Variants in ZNF280B observed in about 807,000 individuals in gnomAD.
ZNF280B encodes the protein suppressor of hairy wing homolog 2.
Under a neutral mutation model 38.0 loss-of-function variants are expected in ZNF280B, and 16 were observed. That is an observed-to-expected ratio of 0.42 (90% CI 0.28 to 0.64). The LOEUF (loss-of-function observed/expected upper bound fraction) is 0.64, where lower values mean the gene tolerates loss of function less well. Among genes scored for constraint, ZNF280B ranks in the 30% least tolerant of loss-of-function variants. ZNF280B has a pLI of 0.21. For synonymous variants in ZNF280B, 253 were observed against 230.6 expected (o/e 1.10, Z -0.88); for missense variants, 581 against 639.6 (o/e 0.91, Z 0.99).
intron 3 of ZNF280B, among the ~76,000 whole-genome samples, chr22:22,492,215 A>C (rs1486530154): frequency 3.9e-5 from 6 of 151,952 alleles, no homozygotes; most frequent in Non-Finnish European, 8.8e-5. Context: ...GCCAGAAAAA[A>C]TATAAGGCAG....
At chr22:22,507,392 T>C (rs1289205106) in intron 2 of ZNF280B, among the ~76,000 whole-genome samples, 3 of 151,922 alleles carry the variant, frequency 2.0e-5, no homozygotes, top group Non-Finnish European at 4.4e-5. Flanking sequence ...TAATCACAAA[T>C]TGCTGGGCAC....
At chr22:22,491,457 C>CTTT (rs55720546) in intron 3 of ZNF280B, among the ~76,000 whole-genome samples, 2 of 113,978 alleles carry the variant, frequency 1.8e-5, no homozygotes, top group Admixed American at 1.0e-4. Flanking sequence ...TGTCTTTTTT[C>CTTT]TTTTTTTTTT....
At chr22:22,500,974 C>T (rs1181108363) in intron 2 of ZNF280B, among the ~76,000 whole-genome samples, 5 of 141,836 alleles carry the variant, frequency 3.5e-5, no homozygotes, top group Admixed American at 2.2e-4. Flanking sequence ...GAGTGGAGAT[C>T]GCACCACTGC....
At chr22:22,507,356 C>G (rs1262838362) in intron 2 of ZNF280B, among the ~76,000 whole-genome samples, 4 of 151,916 alleles carry the variant, frequency 2.6e-5, no homozygotes, top group Non-Finnish European at 5.9e-5. Context: ...CAATAGATAA[C>G]TAATACAATG....
chr22:22,500,794 G>C (rs1343741300), intron 2 of ZNF280B, among the ~76,000 whole-genome samples: 1 of 151,732 alleles, frequency 6.6e-6, no homozygotes, highest in Admixed American at 6.6e-5. Context: ...AGGAGGCGGA[G>C]GTTGCAGTGA....
intron 2 of ZNF280B, among the ~76,000 whole-genome samples, chr22:22,498,789 T>G: frequency 8.1e-6 from 1 of 124,212 alleles, no homozygotes; most frequent in East Asian, 2.4e-4. Context: ...TACAGGCCAA[T>G]ATCCTTTTTT....
rs1308145976 is a variant in ZNF280B at position 22,488,340 on chromosome 22, G to A, written c.1059C>T (p.Pro353=). 1 of 1,613,824 alleles carries A rather than the reference G, an allele frequency of 6.2e-7. No individual in the cohort carries two copies. Among genetic ancestry groups the A allele is most frequent in the Non-Finnish European group, 8.5e-7 (1 of 1,179,970 alleles). The change falls in exon 4 of 4, where the codon CCC becomes CCT. Residue 353 remains proline, a synonymous_variant. Coordinates refer to ENST00000626650, the MANE Select transcript of ZNF280B (RefSeq NM_080764.4). ...TTCQHCHRQF[P]TPFQLQCHIE... The stretch of plus-strand genomic sequence containing the variant: ...TGTGACACTGTAGCTGGAAGGGAGT[G>A]GGAAACTGCCGGTGGCAGTGCTGGC...
At chr22:22,493,887 T>C (rs1252509604) in intron 3 of ZNF280B, among the ~76,000 whole-genome samples, 176 bp downstream of exon 3, 1 of 151,990 alleles carries the variant, frequency 6.6e-6, no homozygotes, top group Non-Finnish European at 1.5e-5. Flanking sequence ...ATTTGTGTTA[T>C]GCTATGGGCT....
intron 2 of ZNF280B, among the ~76,000 whole-genome samples, chr22:22,507,198 A>G (rs1353313967): frequency 6.6e-6 from 1 of 151,936 alleles, no homozygotes; most frequent in Non-Finnish European, 1.5e-5. Flanking sequence ...GAGACTGACA[A>G]TCCAGCCAAG....
intron 2 of ZNF280B, among the ~76,000 whole-genome samples, chr22:22,494,929 T>C (rs978312641): frequency 6.6e-6 from 1 of 151,958 alleles, no homozygotes; most frequent in East Asian, 2.0e-4. Flanking sequence ...GGTTTCACCA[T>C]GTTGGCCAGG....
intron 2 of ZNF280B, among the ~76,000 whole-genome samples, chr22:22,505,420 G>C (rs910964037): frequency 1.1e-4 from 16 of 151,742 alleles, no homozygotes; most frequent in African/African-American, 3.6e-4. Context: ...ACAAAACGTA[G>C]CCAAGTGTGC....
rs1223872872 is a variant in ZNF280B at position 22,488,851 on chromosome 22, A to G, written c.548T>C (p.Ile183Thr). ...CCTGAGTTTAGCCCTTTTGGGATTT[A>G]TGCTGTTTACTTCGAAAGTGGAAAG... ...KQLSTFEVNS[I>T]NPKRAKLRDG... Residue 183 changes from isoleucine to threonine, a missense_variant, in exon 4 of 4, where the codon ATA becomes ACA. Physicochemically the swap from Ile to Thr is moderately conservative, Grantham distance 89. Coordinates refer to ENST00000626650, the MANE Select transcript of ZNF280B (RefSeq NM_080764.4). 1 of 1,613,698 alleles carries G rather than the reference A, an allele frequency of 6.2e-7. No individual in the cohort carries two copies. The highest frequency in any genetic ancestry group is 8.5e-7 in the Non-Finnish European group (1 of 1,179,974).
At chr22:22,490,547 A>C (rs1263045306) in intron 3 of ZNF280B, among the ~76,000 whole-genome samples, 1 of 151,878 alleles carries the variant, frequency 6.6e-6, no homozygotes, top group Admixed American at 6.6e-5. Context: ...AGCTCACTGC[A>C]ACCTCCACCT....
chr22:22,507,700 AAT>A (rs1182937175), intron 2 of ZNF280B, 108 bp downstream of exon 2: 1 of 151,956 alleles, frequency 6.6e-6, no homozygotes, highest in Non-Finnish European at 1.5e-5. Flanking sequence ...CCCTCAGTAA[AAT>A]ATTGAATACC....
chr22:22,490,598 G>T (rs2061573560), intron 3 of ZNF280B, among the ~76,000 whole-genome samples: 1 of 151,868 alleles, frequency 6.6e-6, no homozygotes, highest in Non-Finnish European at 1.5e-5. Flanking sequence ...CTCCTGAGTA[G>T]CTGGGACTAC....
At chr22:22,508,308 C>T (rs1383782540) in intron 1 of ZNF280B, among the ~76,000 whole-genome samples, 3 of 151,956 alleles carry the variant, frequency 2.0e-5, no homozygotes, top group South Asian at 2.1e-4. Flanking sequence ...ACATTGAGCG[C>T]CAAAAGAGAC....
chr22:22,504,958 T>TC (rs2061904937), intron 2 of ZNF280B, among the ~76,000 whole-genome samples: 1 of 151,944 alleles, frequency 6.6e-6, no homozygotes, highest in Admixed American at 6.6e-5. Flanking sequence ...GAGCTGACAT[T>TC]CCAGAAGGGG....
At chr22:22,491,557 C>G (rs2061598098) in intron 3 of ZNF280B, among the ~76,000 whole-genome samples, 1 of 149,214 alleles carries the variant, frequency 6.7e-6, no homozygotes, top group Non-Finnish European at 1.5e-5. Flanking sequence ...CTCCCGGGTT[C>G]AAGCAAGTCT....
chr22:22,507,553 TC>T (rs1465923719), intron 2 of ZNF280B, among the ~76,000 whole-genome samples: 30 of 146,060 alleles, frequency 2.1e-4, no homozygotes, highest in Non-Finnish European at 3.6e-4. Flanking sequence ...TCCCTGATGC[TC>T]TTTTTTTTTT....
Sources: allele counts gnomAD v4.1 joint callset (sites outside exome capture counted in the v4.1 genomes callset), GRCh38; gene constraint gnomAD v4.1.1; transcripts MANE v1.5; gene names NCBI Gene and HGNC (gene_info 2026-07-23, HGNC 2026-07-21).